The following ADAMTS10 variants were observed in gnomAD, a reference collection of about 807,000 sequenced individuals.
ADAMTS10 encodes A disintegrin and metalloproteinase with thrombospondin motifs 10.
A neutral mutation model predicts 135.9 loss-of-function variants in ADAMTS10; 48 were observed. The ratio of observed to expected loss-of-function variants is 0.35; its 90% CI spans 0.28 to 0.45. The LOEUF is 0.45. Ranked by LOEUF, ADAMTS10 falls within the 20% of genes least tolerant of loss-of-function variation. The probability of loss-of-function intolerance (pLI) is 1.00; values close to 1 mark genes in which losing one functional copy is unlikely to be tolerated. For missense variants in ADAMTS10, 1,131 were observed against 1,565.2 expected (o/e 0.72, Z 4.68); for synonymous variants, 621 against 647.5 (o/e 0.96, Z 0.62).
chr19:8,598,308 C>G (rs985081094), intron 6 of ADAMTS10, among the ~76,000 whole-genome samples: 1 of 152,004 alleles, frequency 6.6e-6, no homozygotes, highest in South Asian at 2.1e-4. Flanking sequence ...GCTTACCCCC[C>G]TGACTGCCTC....
intron 12 of ADAMTS10, 46 bp downstream of exon 12, chr19:8,595,716 C>T (rs782198712): frequency 1.8e-5 from 25 of 1,410,050 alleles, no homozygotes; most frequent in African/African-American, 4.3e-5. Flanking sequence ...CCAGCCCCAG[C>T]GGCCCCCTCC....
intron 6 of ADAMTS10, among the ~76,000 whole-genome samples, chr19:8,599,881 C>A (rs1419678279): frequency 6.6e-6 from 1 of 151,924 alleles, no homozygotes; most frequent in East Asian, 1.9e-4. Flanking sequence ...GTTGCCCAGG[C>A]TGGAGCACAG....
At position 8,605,817 on chromosome 19, in the gene ADAMTS10, G is replaced by T. The variant is rs782351264; in HGVS notation, c.-99-8C>A. The stretch of plus-strand genomic sequence containing the variant: ...CGCAGCATCACCGGGCTCCTGGGAG[G>T]GGGGAGCCAGGTAAGGGGGCGCCTG... On this transcript the variant is annotated splice_region_variant and splice_polypyrimidine_tract_variant and intron_variant, in intron 2 of 25. Transcript: ENST00000597188. The surrounding 1 kb of genome is among the most constrained non-coding windows in gnomAD (Gnocchi z 7.7). 3.8e-5 allele frequency: 57 copies of T among 1,509,738 alleles called. No individual in the cohort carries two copies. The highest frequency in any genetic ancestry group is 6.9e-5 in the African/African-American group (5 of 72,260). 93.5% of individuals were successfully genotyped at this position (1,509,738 alleles called of 1,614,324 possible). A position where few individuals can be genotyped will look rare whatever the true frequency, so the allele number is the denominator to read the frequency against.
chr19:8,609,184 T>C (rs933578859), intron 1 of ADAMTS10, among the ~76,000 whole-genome samples: 2 of 136,990 alleles, frequency 1.5e-5, no homozygotes, highest in Non-Finnish European at 3.2e-5. Context: ...CTGTGTGTGA[T>C]TGTGAGCGTG....
chr19:8,592,299 C>T, intron 13 of ADAMTS10, 196 bp from the exon 14 acceptor site: 3 of 1,129,926 alleles, frequency 2.7e-6, no homozygotes, highest in Non-Finnish European at 3.7e-6. Flanking sequence ...AAGCGAGAGG[C>T]GTGGCCTGAG....
At chr19:8,597,496 T>C (rs896948140) in intron 6 of ADAMTS10, among the ~76,000 whole-genome samples, 179 bp from the exon 7 acceptor site, 1 of 152,202 alleles carries the variant, frequency 6.6e-6, no homozygotes, top group African/African-American at 2.4e-5. Context: ...GGTCTTGGTA[T>C]GTTGCTCAGG....
rs1365557131 is a variant in ADAMTS10 at position 8,580,984 on chromosome 19, T to C, written c.3221A>G (p.Lys1074Arg). ...GAGCACCAGGGGGCAGTAGGCGACC[T>C]TGTTCACATCCTTGCACTCTGCGGG... is the stretch of plus-strand genomic sequence containing the variant. ...DGPEECKDVNKVAYCPLVLKF... is the reference protein window; with the variant it reads ...DGPEECKDVNRVAYCPLVLKF... Residue 1074 changes from lysine (K) to arginine (R), a missense_variant, in exon 26 of 26, where the codon AAG becomes AGG. Transcript: ENST00000597188. 3 of 1,613,352 alleles carry C rather than the reference T, an allele frequency of 1.9e-6. No individual in the cohort carries two copies. The highest frequency in any genetic ancestry group is 2.5e-6 in the Non-Finnish European group (3 of 1,179,740).
rs1265335746 is a variant in ADAMTS10, at chr19:8,605,182, G to A, written c.265C>T (p.Leu89=). 1 of 1,614,086 alleles carries A rather than the reference G, an allele frequency of 6.2e-7. No homozygotes were observed. Among genetic ancestry groups the A allele is most frequent in the Non-Finnish European group, 8.5e-7 (1 of 1,179,954 alleles). The change falls in exon 4 of 26, where the codon CTG becomes TTG. Residue 89 remains leucine (L), a synonymous_variant. Coordinates refer to ENST00000597188, the MANE Select transcript of ADAMTS10 (RefSeq NM_030957.4). The surrounding 1 kb of genome is among the most constrained non-coding windows in gnomAD (Gnocchi z 7.7). The part of the protein sequence containing the change: ...KVASPSTHFL[L]NLTRSSRLLA... ...AGACGGGAGCTGCGGGTCAGGTTCA[G>A]CAGGAAGTGGGTGCTGGGCGAGGCC...
intron 12 of ADAMTS10, 73 bp from the exon 13 acceptor site, chr19:8,592,943 G>C (rs1376306172): frequency 7.2e-7 from 1 of 1,387,552 alleles, no homozygotes; most frequent in Non-Finnish European, 1.0e-6. Flanking sequence ...GGCTTGGGAG[G>C]ACCCAGATGT....
Position 8,601,839 on chromosome 19 carries a change from T to G in ADAMTS10, c.593-694A>C, listed in dbSNP as rs549218294. Among the ~76,000 whole-genome samples the G allele has an allele frequency of 1.4e-3, 213 of 152,306 alleles. No homozygotes were observed. Among genetic ancestry groups the G allele is most frequent in the Middle Eastern group, 0.01 (3 of 294 alleles). On this transcript the variant is annotated intron_variant, in intron 5 of 25. Coordinates refer to ENST00000597188, the MANE Select transcript of ADAMTS10 (RefSeq NM_030957.4). The surrounding 1 kb of genome is among the most constrained non-coding windows in gnomAD (Gnocchi z 4.6). ...GTTGTATGGCTGTTCCACTGCCTGTTTGCCAACCTGTTCAGCTACCAGCCT... is the reference window on the plus strand; with the variant it reads ...GTTGTATGGCTGTTCCACTGCCTGTGTGCCAACCTGTTCAGCTACCAGCCT...
Position 8,586,321 on chromosome 19 carries a change from C to G in ADAMTS10, c.2530+23G>C, listed in dbSNP as rs782117156. On this transcript the variant is annotated intron_variant, in intron 21 of 25. Transcript: ENST00000597188. ...AGAACCTCAGCCCAGGTATCTTGTG[C>G]CTTCCCCCACCCCCGGCCTCACCGC... The G allele has an allele frequency of 5.6e-6, 9 of 1,613,396 alleles. No homozygotes were observed. In the South Asian group the frequency reaches 9.9e-5, roughly 18 times the overall value.
intron 6 of ADAMTS10, among the ~76,000 whole-genome samples, chr19:8,599,975 C>G (rs1418783146): frequency 1.3e-5 from 2 of 151,992 alleles, no homozygotes; most frequent in Admixed American, 1.3e-4. Context: ...GCTGGGATTA[C>G]AGGTGCCCGC....
rs1383746524 is a variant in ADAMTS10 at position 8,580,806 on chromosome 19, C to T, written c.*87G>A. The T allele has an allele frequency of 2.7e-6, 3 of 1,093,014 alleles. No homozygotes were observed. The highest frequency in any genetic ancestry group is 2.6e-5 in the East Asian group (1 of 38,568). 67.7% of individuals were successfully genotyped at this position (1,093,014 alleles called of 1,614,324 possible). A position where few individuals can be genotyped will look rare whatever the true frequency, so the allele number is the denominator to read the frequency against. On this transcript the variant is annotated 3_prime_UTR_variant, in exon 26 of 26. Transcript: ENST00000597188. The stretch of plus-strand genomic sequence containing the variant: ...CGTCTCACCCTTCCCTCCCAGTTCC[C>T]GCCCCCCCGGGGCCCCCTCTGGCCG...
rs781921248 is a variant in ADAMTS10 at position 8,586,139 on chromosome 19, C to G, written c.2643G>C (p.Thr881=). The G allele has an allele frequency of 1.2e-6, 2 of 1,613,254 alleles. No individual in the cohort carries two copies. The highest frequency in any genetic ancestry group is 2.2e-5 in the East Asian group (1 of 44,878). The change falls in exon 22 of 26, where the codon ACG becomes ACC. Residue 881 remains threonine, a synonymous_variant. Transcript: ENST00000597188. ...GCACTCACTCTGGAGGGCAAGGCTC[C>G]GTGTTGCAGGCGCGCTGCCTTTTGG... ...KLPKRQRACN[T]EPCPPDWVVG...
At chr19:8,589,632 C>T in intron 16 of ADAMTS10, 47 bp from the exon 17 acceptor site, 1 of 1,610,882 alleles carries the variant, frequency 6.2e-7, no homozygotes, top group Non-Finnish European at 8.5e-7. Context: ...CACCCCGGAA[C>T]TCTTTGCTTG....
Position 8,586,445 on chromosome 19 carries a change from G to A in ADAMTS10, c.2429C>T (p.Ala810Val). The A allele has an allele frequency of 6.2e-7, 1 of 1,613,850 alleles. No individual in the cohort carries two copies. The highest frequency in any genetic ancestry group is 8.5e-7 in the Non-Finnish European group (1 of 1,180,002). Residue 810 changes from alanine (A) to valine (V), a missense_variant, in exon 21 of 26, where the codon GCC becomes GTC. Around this residue, in one of 3 missense-constraint regions of ADAMTS10, gnomAD observed 745 missense variants for 1,056.3 expected, o/e 0.71. Coordinates refer to ENST00000597188, the MANE Select transcript of ADAMTS10 (RefSeq NM_030957.4). ...VMVLARTELPALRYRFNAPIA... is the reference protein window; with the variant it reads ...VMVLARTELPVLRYRFNAPIA... ...GGGGGCATTGAAGCGGTAGCGGAGG[G>A]CAGGCAGCTCGGTCCGGGCCAGCAC...
chr19:8,601,560 CCAT>C lies in ADAMTS10; in HGVS notation c.593-418_593-416del, dbSNP rs1445612536. On this transcript the variant is annotated intron_variant, in intron 5 of 25. Transcript: ENST00000597188. This position sits in a 1 kb window ranked among gnomAD's most constrained non-coding sequence, Gnocchi z 4.6. The stretch of plus-strand genomic sequence containing the variant: ...TATTTTTAATTGAGACTGCATTTCA[CCAT>C]GTTGGCCAGGCTGGTCTCGAACTCC... Among the ~76,000 whole-genome samples, 1 of 151,962 alleles carries C rather than the reference CCAT, an allele frequency of 6.6e-6. No individual in the cohort carries two copies. The highest frequency in any genetic ancestry group is 1.5e-5 in the Non-Finnish European group (1 of 68,008).
Position 8,596,501 on chromosome 19 carries a change from A to C in ADAMTS10, c.1084+41T>G, listed in dbSNP as rs2042607175. ...CACCTGCCAGGTCTCACCCCAGCCC[A>C]CTGCCTTCATAGGCGCCTGAAACCT... is the stretch of plus-strand genomic sequence containing the variant. On this transcript the variant is annotated intron_variant, in intron 9 of 25. Transcript: ENST00000597188. The surrounding 1 kb of genome is among the most constrained non-coding windows in gnomAD (Gnocchi z 7.2). 6.2e-7 allele frequency: 1 copy of C among 1,613,586 alleles called. No individual in the cohort carries two copies. Among genetic ancestry groups the C allele is most frequent in the Admixed American group, 1.7e-5 (1 of 59,972 alleles).
At chr19:8,585,336 C>G (rs2042412177) in intron 23 of ADAMTS10, 28 bp from the exon 24 acceptor site, 1 of 1,532,968 alleles carries the variant, frequency 6.5e-7, no homozygotes, top group East Asian at 2.4e-5. Context: ...GTTTCGTGCT[C>G]AGGGTGCTGC....
Sources: gnomAD v4.1 joint callset for allele counts (sites outside exome capture counted in the v4.1 genomes callset) on GRCh38, gnomAD v4.1.1 for gene constraint, gnomAD v4.1.1 regional missense constraint, Gnocchi (gnomAD v3.1) non-coding constraint, MANE v1.5 for transcripts, NCBI Gene and HGNC (gene_info 2026-07-23, HGNC 2026-07-21) for gene names.